Variants in CTNNA3 observed in about 807,000 individuals in gnomAD.
CTNNA3 encodes catenin alpha 3.
Under a neutral mutation model 95.7 loss-of-function variants are expected in CTNNA3, and 76 were observed. The observed-to-expected ratio is 0.79, with a 90% CI of 0.66 to 0.96. The LOEUF is 0.96. Ranked by LOEUF, CTNNA3 falls within the 40% of genes least tolerant of loss-of-function variation. The pLI is 0.00. For synonymous variants in CTNNA3, 431 were observed against 374.4 expected (o/e 1.15, Z -1.74); for missense variants, 1,191 against 1,089.8 (o/e 1.09, Z -1.31).
chr10:66,489,432 A>G (rs1259064848), intron 11 of CTNNA3, among the ~76,000 whole-genome samples: 1 of 152,156 alleles, frequency 6.6e-6, no homozygotes, highest in Non-Finnish European at 1.5e-5. Flanking sequence ...AAGAAGAAAA[A>G]ATAAAGGAAT....
At chr10:66,335,023 G>A (rs544136676) in intron 12 of CTNNA3, among the ~76,000 whole-genome samples, 1 of 151,780 alleles carries the variant, frequency 6.6e-6, no homozygotes, top group Non-Finnish European at 1.5e-5. Flanking sequence ...TGATCGAATC[G>A]GCTACTGAGG....
At chr10:66,929,084 A>C (rs1056129058) in intron 7 of CTNNA3, among the ~76,000 whole-genome samples, 9 of 152,234 alleles carry the variant, frequency 5.9e-5, no homozygotes, top group South Asian at 2.1e-4. Context: ...AAAGTGATGA[A>C]GGGTTAAAAT....
intron 6 of CTNNA3, among the ~76,000 whole-genome samples, chr10:67,193,865 T>A (rs1371866055): frequency 6.6e-6 from 1 of 152,002 alleles, no homozygotes; most frequent in Non-Finnish European, 1.5e-5. Flanking sequence ...AATTTCTGTT[T>A]TTTAGGTATT....
chr10:66,739,365 C>T (rs1233034778), intron 9 of CTNNA3, among the ~76,000 whole-genome samples: 1 of 152,156 alleles, frequency 6.6e-6, no homozygotes, highest in Admixed American at 6.5e-5. Flanking sequence ...TGCTGCTGCT[C>T]TGGGCACCAA....
intron 5 of CTNNA3, among the ~76,000 whole-genome samples, chr10:67,409,061 C>T (rs542781650): frequency 6.6e-6 from 1 of 152,142 alleles, no homozygotes; most frequent in African/African-American, 2.4e-5. Context: ...ATCATAATGG[C>T]AACTATTAAA....
intron 10 of CTNNA3, among the ~76,000 whole-genome samples, chr10:66,533,955 A>G (rs988723560): frequency 6.6e-6 from 1 of 152,132 alleles, no homozygotes; most frequent in Non-Finnish European, 1.5e-5. Flanking sequence ...TATTTTATTT[A>G]TAACTCTGCA....
chr10:66,510,844 T>G (rs143545327), intron 11 of CTNNA3, among the ~76,000 whole-genome samples: 1 of 151,890 alleles, frequency 6.6e-6, no homozygotes, highest in Admixed American at 6.6e-5. Context: ...TATTGGCCCA[T>G]AGTTTTCTTT....
chr10:66,211,690 A>T (rs573682916), intron 13 of CTNNA3, among the ~76,000 whole-genome samples: 17 of 152,306 alleles, frequency 1.1e-4, no homozygotes, highest in Non-Finnish European at 2.4e-4. Flanking sequence ...ATTTAAAAAC[A>T]GGCTGGCCCA....
At chr10:66,725,115 G>T (rs892886342) in intron 9 of CTNNA3, among the ~76,000 whole-genome samples, 1 of 152,102 alleles carries the variant, frequency 6.6e-6, no homozygotes, top group African/African-American at 2.4e-5. Context: ...ATTGTACTCT[G>T]CATTGTATAG....
At chr10:67,188,199 T>C (rs1862953659) in intron 6 of CTNNA3, among the ~76,000 whole-genome samples, 1 of 152,144 alleles carries the variant, frequency 6.6e-6, no homozygotes, top group Non-Finnish European at 1.5e-5. Context: ...ATCAAAATGG[T>C]TAAAGGCAAA....
intron 13 of CTNNA3, among the ~76,000 whole-genome samples, chr10:66,145,822 C>T (rs1011663266): frequency 6.6e-6 from 1 of 152,078 alleles, no homozygotes; most frequent in Non-Finnish European, 1.5e-5. Context: ...GACATGAATG[C>T]TGGTTATCAG....
intron 1 of CTNNA3, among the ~76,000 whole-genome samples, chr10:67,731,418 T>C (rs1229005595): frequency 6.6e-6 from 1 of 151,846 alleles, no homozygotes; most frequent in Non-Finnish European, 1.5e-5. Context: ...GAAGCGGAGG[T>C]TGCAGTGAGC....
chr10:66,871,611 T>C (rs1341961775), intron 7 of CTNNA3, among the ~76,000 whole-genome samples: 1 of 146,434 alleles, frequency 6.8e-6, no homozygotes, highest in Non-Finnish European at 1.5e-5. Context: ...GTTTTTCTAA[T>C]ATTAAGTACA....
At chr10:67,589,505 C>G (rs890456839) in intron 3 of CTNNA3, among the ~76,000 whole-genome samples, 11 of 152,126 alleles carry the variant, frequency 7.2e-5, no homozygotes, top group Non-Finnish European at 1.5e-4. Flanking sequence ...TCTCTCCTAA[C>G]AACACCCACT....
chr10:66,125,476 A>T, intron 13 of CTNNA3, among the ~76,000 whole-genome samples: 1 of 152,202 alleles, frequency 6.6e-6, no homozygotes, highest in East Asian at 1.9e-4. Flanking sequence ...TTATATGCTG[A>T]CAATAAAAAA....
At chr10:67,258,419 C>T (rs1427295018) in intron 5 of CTNNA3, among the ~76,000 whole-genome samples, 1 of 152,138 alleles carries the variant, frequency 6.6e-6, no homozygotes, top group African/African-American at 2.4e-5. Context: ...GCTGCGATTA[C>T]AGGTGTGAGC....
At chr10:66,892,626 A>G (rs897316535) in intron 7 of CTNNA3, among the ~76,000 whole-genome samples, 1 of 152,136 alleles carries the variant, frequency 6.6e-6, no homozygotes, top group Non-Finnish European at 1.5e-5. Flanking sequence ...GAAGTCAGAA[A>G]TAGTGGCATC....
intron 5 of CTNNA3, among the ~76,000 whole-genome samples, chr10:67,414,341 G>A (rs1381589600): frequency 3.3e-5 from 5 of 152,096 alleles, no homozygotes; most frequent in Admixed American, 6.5e-5. Context: ...AAAGGAAATG[G>A]ATAAATTCCT....
chr10:67,346,468 C>T (rs1262416389), intron 5 of CTNNA3, among the ~76,000 whole-genome samples: 1 of 152,116 alleles, frequency 6.6e-6, no homozygotes, highest in Non-Finnish European at 1.5e-5. Context: ...TTTTATTTCT[C>T]TTTCATCTTT....
Sources: gnomAD v4.1 joint callset for allele counts (sites outside exome capture counted in the v4.1 genomes callset) on GRCh38, gnomAD v4.1.1 for gene constraint, MANE v1.5 for transcripts, NCBI Gene and HGNC (gene_info 2026-07-23, HGNC 2026-07-21) for gene names.